Variants in PCBP3 observed in about 807,000 individuals in gnomAD.
The protein encoded by PCBP3 is poly(rC)-binding protein 3.
A neutral mutation model predicts 52.7 loss-of-function variants in PCBP3; 25 were observed. The observed-to-expected ratio is 0.47, with a 90% CI of 0.35 to 0.66. The LOEUF is 0.66. PCBP3 is among the 30% of genes least tolerant of loss of function. The pLI is 0.01. For missense variants in PCBP3, 391 were observed against 490.3 expected, an observed-to-expected ratio of 0.80 and a Z score of 1.91; for synonymous variants, 162 against 183.0, an observed-to-expected ratio of 0.89 and a Z score of 0.93.
At chr21:45,885,614 T>C (rs923531529) in intron 5 of PCBP3, among the ~76,000 whole-genome samples, 2 of 152,114 alleles carry the variant, frequency 1.3e-5, no homozygotes, top group Non-Finnish European at 2.9e-5. Context: ...CGGGGTACTT[T>C]CTGTTGTTTT....
intron 2 of PCBP3, among the ~76,000 whole-genome samples, chr21:45,686,117 C>T (rs538313659): frequency 5.3e-4 from 80 of 152,088 alleles, no homozygotes; most frequent in African/African-American, 1.7e-3. Flanking sequence ...AGGGTTTCAC[C>T]ATATTGGCCA....
chr21:45,691,400 C>CATATATATATTATATATATATATATATA (rs1569121220), intron 2 of PCBP3, among the ~76,000 whole-genome samples: 1 of 136,894 alleles, frequency 7.3e-6, no homozygotes, highest in Non-Finnish European at 1.6e-5. Context: ...ATATATATAT[C>CATATATATATTATATATATATATATATA]TCATATATAT....
intron 2 of PCBP3, among the ~76,000 whole-genome samples, chr21:45,712,816 G>A (rs374342556): frequency 1.8e-4 from 27 of 152,014 alleles, no homozygotes; most frequent in African/African-American, 6.3e-4. Flanking sequence ...TGATCCCCCT[G>A]CCACAGCCTC....
intron 2 of PCBP3, among the ~76,000 whole-genome samples, chr21:45,698,490 CTT>C (rs778071177): frequency 6.6e-6 from 1 of 152,212 alleles, no homozygotes; most frequent in Non-Finnish European, 1.5e-5. Flanking sequence ...GCAGGGCTCT[CTT>C]GGGGAGAAGG....
chr21:45,900,680 C>G (rs2096009975), intron 8 of PCBP3, 57 bp downstream of exon 8: 1 of 1,176,298 alleles, frequency 8.5e-7, no homozygotes, highest in Admixed American at 1.7e-5. Flanking sequence ...CGGGGTGGGT[C>G]CCCAGGCTCT....
Position 45,848,136 on chromosome 21 carries a change from A to C in PCBP3, c.-125-1825A>C, listed in dbSNP as rs541208877. Reference sequence around the variant, plus strand: ...AACGCACAAACAAAGCAAGGAAAGCAAAAGCAGGGATTTATTGAGAACGAA... The same window carrying C: ...AACGCACAAACAAAGCAAGGAAAGCCAAAGCAGGGATTTATTGAGAACGAA... On this transcript the variant is annotated intron_variant, in intron 4 of 17. Coordinates refer to ENST00000681687, the MANE Select transcript of PCBP3 (RefSeq NM_001384156.1). 2.0e-5 allele frequency: 3 copies of C among 152,428 alleles called. No homozygotes were observed. In the East Asian group the frequency reaches 5.8e-4, roughly 29 times the overall value. The allele number at this position is 152,428 out of a possible 1,614,324, so 9.4% of individuals were successfully genotyped here.
chr21:45,666,221 C>T (rs969639330), intron 1 of PCBP3, among the ~76,000 whole-genome samples: 2 of 152,146 alleles, frequency 1.3e-5, no homozygotes, highest in Admixed American at 6.5e-5. Flanking sequence ...ACAAGGATGT[C>T]CATTTTCACC....
chr21:45,793,090 G>A (rs1379604509), intron 4 of PCBP3, among the ~76,000 whole-genome samples: 1 of 152,194 alleles, frequency 6.6e-6, no homozygotes, highest in African/African-American at 2.4e-5. Context: ...ACGCTGGAGG[G>A]AAACCAGCAG....
At chr21:45,908,602 G>A (rs1232614953) in intron 9 of PCBP3, among the ~76,000 whole-genome samples, 2 of 151,498 alleles carry the variant, frequency 1.3e-5, no homozygotes, top group African/African-American at 2.4e-5. Flanking sequence ...CCTCTGCCGC[G>A]CTGTCCGCCA....
intron 11 of PCBP3, among the ~76,000 whole-genome samples, chr21:45,912,180 G>T (rs1280165800): frequency 1.3e-5 from 2 of 152,196 alleles, no homozygotes; most frequent in Non-Finnish European, 2.9e-5. Flanking sequence ...GGCTGCCCAT[G>T]CCCCCAGAGC....
chr21:45,728,259 T>A (rs2085204253), intron 2 of PCBP3, among the ~76,000 whole-genome samples: 2 of 152,174 alleles, frequency 1.3e-5, no homozygotes, highest in African/African-American at 4.8e-5. Flanking sequence ...TCAGAAAGAG[T>A]CCTTAAATTC....
chr21:45,922,332 T>A (rs1279947100), intron 13 of PCBP3, among the ~76,000 whole-genome samples: 1 of 152,164 alleles, frequency 6.6e-6, no homozygotes, highest in African/African-American at 2.4e-5. Context: ...GATGGGAGGA[T>A]TGCTTGAGCC....
At chr21:45,828,394 T>C (rs1284010390) in intron 4 of PCBP3, 1 of 152,218 alleles carries the variant, frequency 6.6e-6, no homozygotes, top group Admixed American at 6.5e-5. Context: ...CCCCTCGTGC[T>C]CTGGAAACCT....
intron 2 of PCBP3, among the ~76,000 whole-genome samples, chr21:45,683,220 C>A (rs976068743): frequency 1.3e-5 from 2 of 152,120 alleles, no homozygotes; most frequent in African/African-American, 4.8e-5. Flanking sequence ...GTCAAAGAGG[C>A]CTTTGGTGAT....
intron 5 of PCBP3, among the ~76,000 whole-genome samples, chr21:45,878,294 G>A (rs1379950060): frequency 6.6e-6 from 1 of 152,260 alleles, no homozygotes; most frequent in South Asian, 2.1e-4. Flanking sequence ...GGGGTGGGGG[G>A]GTCCTCCCGG....
chr21:45,908,657 G>A (rs775884255), intron 9 of PCBP3, among the ~76,000 whole-genome samples: 5 of 150,856 alleles, frequency 3.3e-5, no homozygotes, highest in East Asian at 1.9e-4. Flanking sequence ...TGCCTCTGCC[G>A]CGCTGTCTGC....
rs551429738 is a variant in PCBP3, at chr21:45,683,156, C to G, written c.-200+14204C>G. On this transcript the variant is annotated intron_variant, in intron 2 of 17. Coordinates refer to ENST00000681687, the MANE Select transcript of PCBP3 (RefSeq NM_001384156.1). ...GGGAACAATGACCTGGATTCAGATC[C>G]TGCTGATAGGTCAAATAAGATAGGA... Among the ~76,000 whole-genome samples the G allele has an allele frequency of 2.0e-5, 3 of 152,280 alleles. No individual in the cohort carries two copies. In the South Asian group the frequency reaches 6.2e-4, roughly 32 times the overall value.
In PCBP3 at chr21:45,900,630, G is replaced by A; in HGVS notation, c.222+7G>A. 6.2e-7 allele frequency: 1 copy of A among 1,601,246 alleles called. No individual in the cohort carries two copies. On this transcript the variant is annotated splice_region_variant and intron_variant, in intron 8 of 17. Transcript: ENST00000681687. ...GAAGAAGATGCGTGAGGAGGTGAGT[G>A]TGGTGGGTCCCCACCTGTCCGCAGC... is the stretch of plus-strand genomic sequence containing the variant.
intron 5 of PCBP3, among the ~76,000 whole-genome samples, chr21:45,877,431 T>A (rs1036452553): frequency 3.3e-5 from 5 of 152,150 alleles, no homozygotes; most frequent in East Asian, 3.8e-4. Flanking sequence ...AATATTTTTT[T>A]AAAAAAAGAG....
Sources: gnomAD v4.1 joint callset for allele counts (sites outside exome capture counted in the v4.1 genomes callset) on GRCh38, gnomAD v4.1.1 for gene constraint, MANE v1.5 for transcripts, NCBI Gene and HGNC (gene_info 2026-07-23, HGNC 2026-07-21) for gene names.